The following PRRG1 variants were observed in gnomAD, a reference collection of about 807,000 sequenced individuals.
The protein encoded by PRRG1 is transmembrane gamma-carboxyglutamic acid protein 1.
PRRG1 carries 5 observed loss-of-function variants against 11.8 expected under a neutral mutation model. The ratio of observed to expected loss-of-function variants is 0.42; its 90% CI spans 0.22 to 0.89. The LOEUF (loss-of-function observed/expected upper bound fraction) is 0.89, where lower values mean the gene tolerates loss of function less well. Among genes scored for constraint, PRRG1 ranks in the 40% least tolerant of loss-of-function variants. The pLI, the probability that PRRG1 is intolerant of heterozygous loss-of-function variation, is 0.28. For missense variants in PRRG1, 155 were observed against 166.1 expected, an observed-to-expected ratio of 0.93 and a Z score of 0.37; for synonymous variants, 66 against 60.4, an observed-to-expected ratio of 1.09 and a Z score of -0.43.
At chrX:37,377,031 C>T (rs782497443) in intron 1 of PRRG1, among the ~76,000 whole-genome samples, 5 of 110,733 alleles carry the variant, frequency 4.5e-5, no homozygotes, top group African/African-American at 1.6e-4. Flanking sequence ...ATAAATTTCT[C>T]GCCACTAATA....
intron 2 of PRRG1, among the ~76,000 whole-genome samples, chrX:37,413,318 C>G (rs1400128214): frequency 9.0e-6 from 1 of 110,775 alleles, no homozygotes; most frequent in Non-Finnish European, 1.9e-5. Flanking sequence ...ATGCCTCCTG[C>G]CCACTCCCTC....
chrX:37,379,630 A>G (rs931751244), intron 1 of PRRG1, among the ~76,000 whole-genome samples: 13 of 111,831 alleles, frequency 1.2e-4, no homozygotes, highest in African/African-American at 3.6e-4. Context: ...TTCCTGACCC[A>G]TATCATACAA....
intron 3 of PRRG1, among the ~76,000 whole-genome samples, chrX:37,435,410 G>C (rs782223928): frequency 4.0e-4 from 44 of 109,566 alleles, no homozygotes; most frequent in Non-Finnish European, 5.0e-4. Context: ...CTCCACCCCA[G>C]ATGGTGGAGC....
intron 1 of PRRG1, among the ~76,000 whole-genome samples, chrX:37,380,196 A>G (rs1164952981): frequency 8.9e-6 from 1 of 111,761 alleles, no homozygotes; most frequent in Non-Finnish European, 1.9e-5. Flanking sequence ...AAATTTTAAG[A>G]TTCTTCTTGT....
chrX:37,436,431 C>G (rs190211755), intron 3 of PRRG1, among the ~76,000 whole-genome samples: 1 of 112,089 alleles, frequency 8.9e-6, no homozygotes, highest in East Asian at 2.8e-4. Flanking sequence ...CCCCTTCACA[C>G]TAGGATATGT....
intron 1 of PRRG1, among the ~76,000 whole-genome samples, chrX:37,379,464 A>G (rs1358600162): frequency 9.0e-6 from 1 of 111,040 alleles, no homozygotes; most frequent in Non-Finnish European, 1.9e-5. Context: ...TGCTATTTAT[A>G]ATGAAGAAAT....
chrX:37,371,279 A>G (rs1016984121), intron 1 of PRRG1, among the ~76,000 whole-genome samples: 1 of 111,717 alleles, frequency 9.0e-6, no homozygotes, highest in Non-Finnish European at 1.9e-5. Flanking sequence ...AGAGCTGAAC[A>G]CTCATCAAGA....
intron 1 of PRRG1, among the ~76,000 whole-genome samples, chrX:37,377,737 T>G (rs781910257): frequency 8.9e-6 from 1 of 112,031 alleles, no homozygotes; most frequent in East Asian, 2.8e-4. Flanking sequence ...AGAGATGTAG[T>G]GTGGAACTGT....
chrX:37,401,360 A>G (rs1377427645), intron 1 of PRRG1, among the ~76,000 whole-genome samples: 2 of 111,091 alleles, frequency 1.8e-5, no homozygotes, highest in Non-Finnish European at 3.8e-5. Flanking sequence ...AATCCAGCAT[A>G]TAAACAGAAC....
intron 1 of PRRG1, among the ~76,000 whole-genome samples, chrX:37,353,107 G>A (rs782820579): frequency 4.9e-4 from 55 of 111,887 alleles, no homozygotes; most frequent in Non-Finnish European, 8.6e-4. Flanking sequence ...TATCATAGGG[G>A]ATGATATCTC....
chrX:37,429,689 C>G (rs1462339424), intron 3 of PRRG1, among the ~76,000 whole-genome samples: 2 of 112,126 alleles, frequency 1.8e-5, no homozygotes, highest in African/African-American at 3.2e-5. Flanking sequence ...GCCTGTTACC[C>G]AGTTCCAAAG....
Position 37,444,018 on chromosome X carries a change from T to C in PRRG1, c.172-9118T>C. 1.8e-5 allele frequency among the ~76,000 whole-genome samples: 2 copies of C among 112,525 alleles called. 1 individual carries two copies. The highest frequency in any genetic ancestry group is 3.8e-5 in the Non-Finnish European group (2 of 53,298). On this transcript the variant is annotated intron_variant, in intron 3 of 3. Coordinates refer to ENST00000378628, the MANE Select transcript of PRRG1 (RefSeq NM_001142395.2). Reference sequence around the variant, plus strand: ...AAGTTACATGTGTAGCTCGAGTCTTTTTAAAGCTAACTGGTTTGAACAGTA... The same window carrying C: ...AAGTTACATGTGTAGCTCGAGTCTTCTTAAAGCTAACTGGTTTGAACAGTA...
intron 2 of PRRG1, among the ~76,000 whole-genome samples, chrX:37,408,501 G>A (rs1167396415): frequency 9.0e-6 from 1 of 111,220 alleles, no homozygotes; most frequent in Non-Finnish European, 1.9e-5. Context: ...ATATGTGGGG[G>A]TGGCCATGTT....
intron 1 of PRRG1, among the ~76,000 whole-genome samples, chrX:37,394,157 C>T (rs1931638525): frequency 8.9e-6 from 1 of 112,018 alleles, no homozygotes; most frequent in Non-Finnish European, 1.9e-5. Context: ...GTGAAATTGC[C>T]TTATCATAAT....
intron 3 of PRRG1, among the ~76,000 whole-genome samples, chrX:37,438,045 T>G (rs1932907869): frequency 9.1e-6 from 1 of 109,692 alleles, no homozygotes; most frequent in South Asian, 4.0e-4. Flanking sequence ...CCATCTCTAC[T>G]AAAAATACAA....
rs1556388322 is a variant in PRRG1, at chrX:37,426,017, T to C, written c.171+17T>C. ...GAAAAAACTGTAAGTATGTTGGCAA[T>C]TAAAAAGTTGCACAGATTTGCCTAC... On this transcript the variant is annotated intron_variant, in intron 3 of 3. Coordinates refer to ENST00000378628, the MANE Select transcript of PRRG1 (RefSeq NM_001142395.2). 1 of 1,160,096 alleles carries C rather than the reference T, an allele frequency of 8.6e-7. No homozygotes were observed. Among genetic ancestry groups the C allele is most frequent in the Admixed American group, 2.7e-5 (1 of 37,217 alleles).
At chrX:37,383,777 A>G (rs782571025) in intron 1 of PRRG1, among the ~76,000 whole-genome samples, 1 of 111,122 alleles carries the variant, frequency 9.0e-6, no homozygotes, top group Non-Finnish European at 1.9e-5. Context: ...CACTTTTAAA[A>G]CACCAGATTG....
intron 3 of PRRG1, among the ~76,000 whole-genome samples, chrX:37,449,294 A>G: frequency 9.0e-6 from 1 of 111,562 alleles, no homozygotes; most frequent in East Asian, 2.8e-4. Context: ...TCATCAATAC[A>G]TACTCAATGG....
At chrX:37,363,849 C>T (rs1930487316) in intron 1 of PRRG1, among the ~76,000 whole-genome samples, 1 of 111,690 alleles carries the variant, frequency 9.0e-6, no homozygotes. Context: ...CCACAACTTC[C>T]ACCTCATTCT....
Sources: allele counts gnomAD v4.1 joint callset (sites outside exome capture counted in the v4.1 genomes callset), GRCh38; gene constraint gnomAD v4.1.1; transcripts MANE v1.5; gene names NCBI Gene and HGNC (gene_info 2026-07-23, HGNC 2026-07-21).